Variants in MAPK10 observed in about 807,000 individuals in gnomAD.
MAPK10 encodes JNK3 alpha protein kinase.
A neutral mutation model predicts 59.3 loss-of-function variants in MAPK10; 25 were observed. The observed-to-expected ratio is 0.42, with a 90% CI of 0.31 to 0.59. MAPK10 has a LOEUF of 0.59. Among genes scored for constraint, MAPK10 ranks in the 20% least tolerant of loss-of-function variants. The pLI, the probability that MAPK10 is intolerant of heterozygous loss-of-function variation, is 0.15. For missense variants in MAPK10, 351 were observed against 568.9 expected, an observed-to-expected ratio of 0.62 and a Z score of 3.90; for synonymous variants, 190 against 200.5, an observed-to-expected ratio of 0.95 and a Z score of 0.44.
intron 2 of MAPK10, among the ~76,000 whole-genome samples, chr4:86,349,996 A>G (rs1033634086): frequency 2.0e-5 from 3 of 152,184 alleles, no homozygotes; most frequent in Non-Finnish European, 4.4e-5. Flanking sequence ...GTTTCCAGGC[A>G]ATTTAAAAGG....
intron 1 of MAPK10, among the ~76,000 whole-genome samples, chr4:86,568,331 G>T (rs1052928248): frequency 1.3e-5 from 2 of 152,100 alleles, no homozygotes; most frequent in African/African-American, 2.4e-5. Flanking sequence ...AATGGTCATG[G>T]ATTAGAGGAA....
chr4:86,171,775 T>G (rs1173906794), intron 3 of MAPK10, among the ~76,000 whole-genome samples: 1 of 151,078 alleles, frequency 6.6e-6, no homozygotes, highest in Admixed American at 6.6e-5. Flanking sequence ...GAAACTACCA[T>G]CAGAGTGAAC....
At chr4:86,459,102 G>A (rs1402760003) in intron 1 of MAPK10, among the ~76,000 whole-genome samples, 1 of 152,092 alleles carries the variant, frequency 6.6e-6, no homozygotes, top group Non-Finnish European at 1.5e-5. Flanking sequence ...GTGGGCTAAG[G>A]CCATGAATAG....
At chr4:86,507,612 G>GGAGAGAGA (rs1207304043) in intron 1 of MAPK10, among the ~76,000 whole-genome samples, 1 of 29,234 alleles carries the variant, frequency 3.4e-5, no homozygotes, top group South Asian at 1.1e-3. Context: ...AGAATAAACT[G>GGAGAGAGA]GAGATATATA....
rs1218209524 is a variant in MAPK10 at position 86,359,999 on chromosome 4, C to T, written c.-463G>A. On this transcript the variant is annotated 5_prime_UTR_variant, in exon 1 of 14. It adds an upstream start codon to the 5' untranslated region. Transcript: ENST00000641462. ...AGAAGAAGAGTGGCTTGCTGAATCA[C>T]CCTCTTTCACTGCCTGGAAACCATT... 1.0e-6 allele frequency: 1 copy of T among 985,738 alleles called. No homozygotes were observed. The highest frequency in any genetic ancestry group is 1.2e-6 in the Non-Finnish European group (1 of 829,990). 61.1% of individuals were successfully genotyped at this position (985,738 alleles called of 1,614,324 possible).
chr4:86,194,821 A>G (rs1217306733), intron 2 of MAPK10, among the ~76,000 whole-genome samples: 3 of 152,002 alleles, frequency 2.0e-5, no homozygotes, highest in African/African-American at 7.2e-5. Context: ...ATAGAATTCT[A>G]TATAGGACTT....
intron 1 of MAPK10, among the ~76,000 whole-genome samples, chr4:86,404,061 G>A (rs1744058445): frequency 6.6e-6 from 1 of 152,142 alleles, no homozygotes; most frequent in Non-Finnish European, 1.5e-5. Flanking sequence ...CATGATGTCA[G>A]GTCCAAACTT....
At chr4:86,425,124 A>T (rs777401106) in intron 1 of MAPK10, among the ~76,000 whole-genome samples, 29 of 152,192 alleles carry the variant, frequency 1.9e-4, no homozygotes, top group Non-Finnish European at 3.5e-4. Context: ...TCAAGCAAAG[A>T]AAGAATCAAC....
At chr4:86,557,064 T>C (rs1303926866) in intron 1 of MAPK10, among the ~76,000 whole-genome samples, 1 of 152,006 alleles carries the variant, frequency 6.6e-6, no homozygotes, top group African/African-American at 2.4e-5. Context: ...TAACCAAAAT[T>C]AAGCTGGTTA....
chr4:86,548,098 T>G (rs1383327625), intron 1 of MAPK10, among the ~76,000 whole-genome samples: 1 of 152,154 alleles, frequency 6.6e-6, no homozygotes, highest in Admixed American at 6.5e-5. Context: ...ATCTTGCTGC[T>G]GCTCACTGCT....
intron 2 of MAPK10, among the ~76,000 whole-genome samples, chr4:86,308,982 T>G (rs2095620377): frequency 6.6e-6 from 1 of 150,458 alleles, no homozygotes; most frequent in Non-Finnish European, 1.5e-5. Context: ...TGGCACATAG[T>G]CAGGTGCTAT....
chr4:86,462,667 G>T (rs1429889458), intron 1 of MAPK10, among the ~76,000 whole-genome samples: 1 of 152,132 alleles, frequency 6.6e-6, no homozygotes, highest in Non-Finnish European at 1.5e-5. Flanking sequence ...ACTGTGAAGG[G>T]CCTGATGGAC....
At chr4:86,403,815 A>G (rs61686149) in intron 1 of MAPK10, among the ~76,000 whole-genome samples, 26,982 of 152,108 alleles carry the variant, frequency 0.18, 2,530 homozygotes, top group South Asian at 0.28. Flanking sequence ...CCCTTGACAC[A>G]TGGGGATTAC....
intron 2 of MAPK10, among the ~76,000 whole-genome samples, chr4:86,267,249 T>C (rs1392996357): frequency 6.6e-6 from 1 of 152,214 alleles, no homozygotes; most frequent in Non-Finnish European, 1.5e-5. Flanking sequence ...ATTGCCTTCC[T>C]TCAGGTTTGT....
At chr4:86,306,836 C>T (rs1457243781) in intron 2 of MAPK10, among the ~76,000 whole-genome samples, 8 of 152,282 alleles carry the variant, frequency 5.3e-5, no homozygotes, top group African/African-American at 1.7e-4. Flanking sequence ...ATGAAGGCCA[C>T]GAGTACTAAT....
chr4:86,246,568 A>G (rs1465991627), intron 2 of MAPK10, among the ~76,000 whole-genome samples: 1 of 152,256 alleles, frequency 6.6e-6, no homozygotes, highest in Non-Finnish European at 1.5e-5. Flanking sequence ...TGGTTAAATC[A>G]TTAAGAAGGG....
chr4:86,047,507 A>G (rs1480579593), intron 11 of MAPK10, among the ~76,000 whole-genome samples: 3 of 152,178 alleles, frequency 2.0e-5, no homozygotes, highest in Non-Finnish European at 2.9e-5. Flanking sequence ...AGCCAGACTA[A>G]GTAGAGCCAT....
intron 2 of MAPK10, among the ~76,000 whole-genome samples, chr4:86,232,615 C>T (rs983930579): frequency 2.4e-4 from 37 of 152,128 alleles, no homozygotes; most frequent in African/African-American, 1.9e-4. Flanking sequence ...CCTCGTGATC[C>T]GCCTGCCTGG....
At chr4:86,333,750 TG>T (rs2096209045) in intron 2 of MAPK10, among the ~76,000 whole-genome samples, 1 of 152,194 alleles carries the variant, frequency 6.6e-6, no homozygotes. Context: ...TTAACCTTTC[TG>T]GGGCTCACAT....
Sources: allele counts gnomAD v4.1 joint callset (sites outside exome capture counted in the v4.1 genomes callset), GRCh38; gene constraint gnomAD v4.1.1; transcripts MANE v1.5; gene names NCBI Gene and HGNC (gene_info 2026-07-23, HGNC 2026-07-21).